The following FGD1 variants were observed in gnomAD, a reference collection of about 807,000 sequenced individuals.
The protein encoded by FGD1 is FYVE, RhoGEF and PH domain containing 1.
A neutral mutation model predicts 65.0 loss-of-function variants in FGD1; 12 were observed. That is an observed-to-expected ratio of 0.18 (90% CI 0.12 to 0.30). FGD1 has a LOEUF of 0.30. Ranked by LOEUF, FGD1 falls within the 10% of genes least tolerant of loss-of-function variation. The pLI is 1.00. For missense variants in FGD1, 542 were observed against 837.6 expected, an observed-to-expected ratio of 0.65 and a Z score of 4.36; for synonymous variants, 333 against 343.9, an observed-to-expected ratio of 0.97 and a Z score of 0.35.
At chrX:54,491,990 A>T (rs1475460015) in intron 1 of FGD1, among the ~76,000 whole-genome samples, 2 of 109,473 alleles carry the variant, frequency 1.8e-5, no homozygotes, top group Admixed American at 2.0e-4. Flanking sequence ...AGGGTCAGAC[A>T]CCAATATCCC....
intron 1 of FGD1, among the ~76,000 whole-genome samples, chrX:54,483,384 G>A (rs1485619707): frequency 2.7e-5 from 3 of 112,320 alleles, no homozygotes; most frequent in African/African-American, 9.7e-5. Context: ...AGGCAAAGGC[G>A]GTGGTGTGGG....
intron 8 of FGD1, among the ~76,000 whole-genome samples, chrX:54,464,007 G>A (rs1006437055): frequency 9.0e-6 from 1 of 110,752 alleles, no homozygotes; most frequent in Non-Finnish European, 1.9e-5. Context: ...TGTCACCCAG[G>A]CTGGAGTGCA....
At chrX:54,483,502 G>A (rs1362602876) in intron 1 of FGD1, among the ~76,000 whole-genome samples, 3 of 112,700 alleles carry the variant, frequency 2.7e-5, no homozygotes, top group African/African-American at 9.6e-5. Flanking sequence ...CTTTCCACAG[G>A]CGCCTTCCCT....
At chrX:54,458,225 A>G (rs932851320) in intron 8 of FGD1, among the ~76,000 whole-genome samples, 3 of 111,808 alleles carry the variant, frequency 2.7e-5, no homozygotes, top group African/African-American at 9.7e-5. Context: ...CCTGCAGGGT[A>G]AAGACCTAGC....
intron 12 of FGD1, among the ~76,000 whole-genome samples, chrX:54,452,841 C>A (rs1327779386): frequency 9.0e-6 from 1 of 111,276 alleles, no homozygotes; most frequent in Non-Finnish European, 1.9e-5. Flanking sequence ...CCAATTAAAT[C>A]AGAATCTCTG....
chrX:54,459,515 G>T (rs1272922502), intron 8 of FGD1, among the ~76,000 whole-genome samples: 1 of 110,507 alleles, frequency 9.0e-6, no homozygotes, highest in African/African-American at 3.3e-5. Context: ...TTGGTCTAGG[G>T]TCCAGGCTCC....
chrX:54,465,477 C>T lies in FGD1; in HGVS notation c.1610G>A (p.Gly537Asp). ...TTGGGCATCCTTGCTGTCCGGGGAG[C>T]CATGGGGCAGCTTTAACAGATAGTC... The part of the protein sequence containing the change: ...LKDYLLKLPH[G>D]SPDSKDAQKS... The change falls in exon 8 of 18, where the codon GGC (glycine) becomes GAC (aspartate). Residue 537 changes from glycine to aspartate, a missense_variant. Physicochemically the swap from Gly to Asp is moderately conservative, Grantham distance 94. This residue lies in a region of FGD1 where 41 missense variants were observed against 109.5 expected (regional missense o/e 0.37). Coordinates refer to ENST00000375135, the MANE Select transcript of FGD1 (RefSeq NM_004463.3). The T allele has an allele frequency of 8.3e-7, 1 of 1,209,964 alleles. No individual in the cohort carries two copies.
intron 13 of FGD1, 40 bp from the exon 14 acceptor site, chrX:54,449,800 C>T: frequency 2.1e-6 from 2 of 944,889 alleles, no homozygotes; most frequent in Non-Finnish European, 3.1e-6. Context: ...CAGATCACCC[C>T]ACAAACTACC....
intron 13 of FGD1, 40 bp from the exon 14 acceptor site, chrX:54,449,800 C>G: frequency 1.1e-6 from 1 of 944,889 alleles, no homozygotes; most frequent in Non-Finnish European, 1.5e-6. Context: ...CAGATCACCC[C>G]ACAAACTACC....
intron 1 of FGD1, among the ~76,000 whole-genome samples, chrX:54,478,730 G>T (rs1456677513): frequency 2.0e-5 from 2 of 99,917 alleles, no homozygotes; most frequent in African/African-American, 3.7e-5. Context: ...CACACACAGA[G>T]TGATATGGGT....
Position 54,470,712 on chromosome X carries a change from A to C in FGD1, c.530T>G (p.Leu177Arg), listed in dbSNP as rs1569541265. Residue 177 changes from leucine to arginine, a missense_variant, in exon 3 of 18, where the codon CTG (leucine) becomes CGG (arginine). By Grantham distance (102) the Leu-to-Arg change is moderately radical. Around this residue, in one of 6 missense-constraint regions of FGD1, gnomAD observed 297 missense variants for 326.8 expected, o/e 0.91. Coordinates refer to ENST00000375135, the MANE Select transcript of FGD1 (RefSeq NM_004463.3). ...TGATGGTGGAGGGGGGATGGGCTCC[A>C]GTGGGGGGGGCATCCGGGGCATCTG... ...YLQMPRMPPPLEPIPPPPSRP... is the reference protein window; with the variant it reads ...YLQMPRMPPPREPIPPPPSRP... The C allele has an allele frequency of 1.3e-4, 34 of 270,734 alleles. No homozygotes were observed. The highest frequency in any genetic ancestry group is 2.9e-4 in the East Asian group (3 of 10,251). 22.3% of individuals were successfully genotyped at this position (270,734 alleles called of 1,213,427 possible).
chrX:54,458,009 C>T (rs1046628444), intron 8 of FGD1, among the ~76,000 whole-genome samples: 5 of 111,893 alleles, frequency 4.5e-5, no homozygotes, highest in Admixed American at 1.9e-4. Context: ...CCAACCAAGT[C>T]GTGTTTTCCT....
chrX:54,446,546 G>C lies in FGD1; in HGVS notation c.2581-132C>G, dbSNP rs1036161792. ...GAACTCCCCTACTCAGGAACCTTCCGTGGCTCCAGTGTTATCAACAGGAAC... is the reference window on the plus strand; with the variant it reads ...GAACTCCCCTACTCAGGAACCTTCCCTGGCTCCAGTGTTATCAACAGGAAC... On this transcript the variant is annotated intron_variant, in intron 17 of 17. Transcript: ENST00000375135. The C allele has an allele frequency of 1.1e-5, 6 of 561,736 alleles. No individual in the cohort carries two copies. In the Admixed American group the frequency reaches 1.5e-4, roughly 14 times the overall value. The allele number at this position is 561,736 out of a possible 1,213,427, so 46.3% of individuals were successfully genotyped here.
chrX:54,494,787 C>A (rs771087169), intron 1 of FGD1, among the ~76,000 whole-genome samples: 1 of 111,184 alleles, frequency 9.0e-6, no homozygotes, highest in South Asian at 3.8e-4. Context: ...CAAACGAAAC[C>A]CTGGTTTCCC....
At chrX:54,476,696 C>T (rs909533665) in intron 1 of FGD1, among the ~76,000 whole-genome samples, 27 of 109,958 alleles carry the variant, frequency 2.5e-4, no homozygotes, top group African/African-American at 9.0e-4. Context: ...CATTATCACA[C>T]CCACACCCAC....
chrX:54,467,756 T>A, intron 6 of FGD1, 28 bp downstream of exon 6: 1 of 1,164,202 alleles, frequency 8.6e-7, no homozygotes, highest in African/African-American at 1.8e-5. Context: ...GACAGGGGAG[T>A]GGGCAGTCTA....
intron 1 of FGD1, among the ~76,000 whole-genome samples, chrX:54,485,718 CT>C (rs1485458756): frequency 1.2e-4 from 13 of 111,272 alleles, no homozygotes; most frequent in South Asian, 3.8e-4. Context: ...CAATCCTCCC[CT>C]ATCAGCCTCC....
chrX:54,456,619 T>C, intron 8 of FGD1, 52 bp from the exon 9 acceptor site: 1 of 1,027,025 alleles, frequency 9.7e-7, no homozygotes, highest in Non-Finnish European at 1.3e-6. Context: ...AGAGGAGCCT[T>C]TCCGGGGCTT....
chrX:54,448,479 CCCAG>C (rs1213452462), intron 16 of FGD1, among the ~76,000 whole-genome samples: 1 of 112,161 alleles, frequency 8.9e-6, no homozygotes. Flanking sequence ...AGCCACTGTG[CCCAG>C]CCAATTTTTT....
Sources: allele counts gnomAD v4.1 joint callset (sites outside exome capture counted in the v4.1 genomes callset), GRCh38; gene constraint gnomAD v4.1.1; regional missense constraint gnomAD v4.1.1; transcripts MANE v1.5; gene names NCBI Gene and HGNC (gene_info 2026-07-23, HGNC 2026-07-21).